Variants in PAK1 observed in about 807,000 individuals in gnomAD.
The protein encoded by PAK1 is serine/threonine-protein kinase PAK 1.
In PAK1, 29 loss-of-function variants were observed where a neutral mutation model predicts 67.4. That is an observed-to-expected ratio of 0.43 (90% CI 0.32 to 0.59). The LOEUF is 0.59. Among genes scored for constraint, PAK1 ranks in the 20% least tolerant of loss-of-function variants. The pLI is 0.07. For synonymous variants in PAK1, 223 were observed against 237.4 expected (o/e 0.94, Z 0.56); for missense variants, 337 against 670.7 (o/e 0.50, Z 5.50).
intron 8 of PAK1, 62 bp from the exon 9 acceptor site, chr11:77,349,349 G>T: frequency 7.9e-7 from 1 of 1,261,242 alleles, no homozygotes; most frequent in Non-Finnish European, 1.1e-6. Flanking sequence ...AGTGATATTT[G>T]TCAAATGCAG....
At chr11:77,367,803 C>T (rs1287080420) in intron 5 of PAK1, among the ~76,000 whole-genome samples, 1 of 152,068 alleles carries the variant, frequency 6.6e-6, no homozygotes, top group African/African-American at 2.4e-5. Flanking sequence ...ATGGTGAAAC[C>T]CCGTCTCTAC....
chr11:77,473,284 T>TCCCTC (rs1212919722), intron 1 of PAK1: 1 of 152,338 alleles, frequency 6.6e-6, no homozygotes, highest in South Asian at 2.1e-4. Context: ...CCCCGCCCCT[T>TCCCTC]CCCTCTCCCA....
At chr11:77,444,087 C>T (rs1233543110) in intron 1 of PAK1, among the ~76,000 whole-genome samples, 1 of 152,122 alleles carries the variant, frequency 6.6e-6, no homozygotes, top group Non-Finnish European at 1.5e-5. Flanking sequence ...ACAGATGGAA[C>T]TTGCCAGACA....
the PAK1 span, among the ~76,000 whole-genome samples, chr11:77,499,934 A>G: frequency 3.3e-5 from 5 of 152,266 alleles, no homozygotes; most frequent in Admixed American, 2.6e-4. Flanking sequence ...TCCACCATCC[A>G]GCATCAGCGA....
the PAK1 span, among the ~76,000 whole-genome samples, chr11:77,509,151 G>A: frequency 1.3e-5 from 2 of 151,472 alleles, no homozygotes; most frequent in Admixed American, 6.6e-5. Context: ...CCAGCTACTC[G>A]GGAGGCTGAG....
the PAK1 span, among the ~76,000 whole-genome samples, chr11:77,506,032 C>T: frequency 6.6e-6 from 1 of 152,098 alleles, no homozygotes; most frequent in Non-Finnish European, 1.5e-5. Flanking sequence ...AAAACTGCAG[C>T]CAGTCCAGCA....
chr11:77,350,381 C>T (rs1945070656), intron 8 of PAK1, among the ~76,000 whole-genome samples: 1 of 152,070 alleles, frequency 6.6e-6, no homozygotes. Context: ...AGTATATACA[C>T]ATTCATATAT....
chr11:77,347,149 A>G (rs911399365), intron 9 of PAK1: 1 of 451,396 alleles, frequency 2.2e-6, no homozygotes, highest in African/African-American at 2.0e-5. Flanking sequence ...TTCCATTCAT[A>G]GTTTTGTAAC....
At chr11:77,387,728 T>C (rs1408945676) in intron 2 of PAK1, among the ~76,000 whole-genome samples, 1 of 152,218 alleles carries the variant, frequency 6.6e-6, no homozygotes, top group African/African-American at 2.4e-5. Context: ...AGTGAGGATA[T>C]TGGAATGAAA....
At chr11:77,471,958 C>T (rs1592602098) in intron 1 of PAK1, among the ~76,000 whole-genome samples, 1 of 152,136 alleles carries the variant, frequency 6.6e-6, no homozygotes, top group East Asian at 1.9e-4. Flanking sequence ...AAAACAGGTC[C>T]AGCAGCCTCA....
At chr11:77,369,149 A>G (rs1477921896) in intron 5 of PAK1, among the ~76,000 whole-genome samples, 1 of 152,076 alleles carries the variant, frequency 6.6e-6, no homozygotes, top group Non-Finnish European at 1.5e-5. Flanking sequence ...CATGAACTAT[A>G]TTCTCTTTGG....
intron 5 of PAK1, among the ~76,000 whole-genome samples, chr11:77,372,888 A>G (rs1592036310): frequency 6.6e-6 from 1 of 152,212 alleles, no homozygotes; most frequent in Non-Finnish European, 1.5e-5. Context: ...GCTTTCTCTG[A>G]CACATCCAAC....
chr11:77,465,252 G>A (rs906917403), intron 1 of PAK1, among the ~76,000 whole-genome samples: 4 of 152,082 alleles, frequency 2.6e-5, no homozygotes, highest in African/African-American at 9.7e-5. Flanking sequence ...TCAGGAACAG[G>A]TGACCAGATT....
chr11:77,492,197 C>T, the PAK1 span, among the ~76,000 whole-genome samples: 3 of 151,906 alleles, frequency 2.0e-5, no homozygotes, highest in African/African-American at 4.8e-5. Flanking sequence ...TAGCCGGGCA[C>T]GGTGGCAGGT....
chr11:77,437,582 G>T (rs918414988), intron 1 of PAK1, among the ~76,000 whole-genome samples: 4 of 151,970 alleles, frequency 2.6e-5, no homozygotes, highest in African/African-American at 9.7e-5. Context: ...GTTTTTTATT[G>T]TCATGTCTTG....
intron 1 of PAK1, among the ~76,000 whole-genome samples, chr11:77,441,120 C>A (rs1477712938): frequency 2.0e-5 from 3 of 152,112 alleles, no homozygotes; most frequent in African/African-American, 7.2e-5. Flanking sequence ...AGACCTGGAT[C>A]CTGTTCCTGA....
chr11:77,503,763 G>A, the PAK1 span, among the ~76,000 whole-genome samples: 1 of 152,160 alleles, frequency 6.6e-6, no homozygotes, highest in African/African-American at 2.4e-5. Flanking sequence ...TACTCTGGAG[G>A]AACACTTGAG....
the PAK1 span, among the ~76,000 whole-genome samples, chr11:77,514,670 CA>C: frequency 6.6e-6 from 1 of 152,108 alleles, no homozygotes; most frequent in Non-Finnish European, 1.5e-5. Context: ...CAAGTGGAGC[CA>C]AAAGCAGGCA....
chr11:77,343,697 C>A, intron 10 of PAK1, 122 bp downstream of exon 10: 1 of 684,650 alleles, frequency 1.5e-6, no homozygotes, highest in South Asian at 1.7e-5. Context: ...GAGAGCTCAG[C>A]ATCACAGAAG....
Sources: allele counts gnomAD v4.1 joint callset (sites outside exome capture counted in the v4.1 genomes callset), GRCh38; gene constraint gnomAD v4.1.1; transcripts MANE v1.5; gene names NCBI Gene and HGNC (gene_info 2026-07-23, HGNC 2026-07-21).